SHC3: variants seen among roughly 807,000 people sequenced by gnomAD.
SHC3 encodes the protein SHC adaptor protein 3.
In SHC3, 15 loss-of-function variants were observed where a neutral mutation model predicts 60.4. That is an observed-to-expected ratio of 0.25 (90% CI 0.17 to 0.38). The LOEUF is 0.38. Among genes scored for constraint, SHC3 ranks in the 10% least tolerant of loss-of-function variants. SHC3 has a pLI of 1.00. For missense variants in SHC3, 677 were observed against 786.1 expected (o/e 0.86, Z 1.66); for synonymous variants, 294 against 325.9 (o/e 0.90, Z 1.05).
chr9:89,087,156 C>T (rs536065984), intron 2 of SHC3, among the ~76,000 whole-genome samples: 132 of 152,250 alleles, frequency 8.7e-4, no homozygotes, highest in African/African-American at 3.0e-3. Flanking sequence ...GGAATTAAAG[C>T]TAATTTTCCT....
chr9:89,152,071 G>A (rs1826553127), intron 1 of SHC3, among the ~76,000 whole-genome samples: 1 of 152,178 alleles, frequency 6.6e-6, no homozygotes, highest in Admixed American at 6.5e-5. Context: ...CTAGTGATTT[G>A]AGTAGCTTCA....
chr9:89,115,922 TCA>T (rs1296873954), intron 1 of SHC3, among the ~76,000 whole-genome samples: 3 of 152,180 alleles, frequency 2.0e-5, no homozygotes, highest in African/African-American at 4.8e-5. Context: ...ATGATCAATA[TCA>T]CAGTTATGTG....
intron 9 of SHC3, among the ~76,000 whole-genome samples, chr9:89,043,820 T>G (rs985193607): frequency 6.6e-6 from 1 of 151,998 alleles, no homozygotes; most frequent in African/African-American, 2.4e-5. Flanking sequence ...GCACAGCTAA[T>G]TTTTTGTATT....
intron 1 of SHC3, among the ~76,000 whole-genome samples, chr9:89,172,152 G>T (rs1826878063): frequency 6.6e-6 from 1 of 152,194 alleles, no homozygotes; most frequent in African/African-American, 2.4e-5. Flanking sequence ...TTGGCCCCTG[G>T]TATCTCACTG....
At chr9:89,059,166 G>T (rs1825016218) in intron 6 of SHC3, among the ~76,000 whole-genome samples, 1 of 146,658 alleles carries the variant, frequency 6.8e-6, no homozygotes, top group Admixed American at 6.7e-5. Flanking sequence ...GGTGGTGGAG[G>T]ACCGTGGTGT....
At chr9:89,149,852 A>T (rs78584505) in intron 1 of SHC3, among the ~76,000 whole-genome samples, 3,234 of 152,260 alleles carry the variant, frequency 0.021, 116 homozygotes, top group African/African-American at 0.071. Flanking sequence ...CTTCCGTTGC[A>T]CACTCTTCTG....
At chr9:89,150,261 G>A (rs1036869014) in intron 1 of SHC3, among the ~76,000 whole-genome samples, 2 of 152,026 alleles carry the variant, frequency 1.3e-5, no homozygotes, top group African/African-American at 4.8e-5. Flanking sequence ...GGGATAAGAG[G>A]AGATTATTGT....
chr9:89,068,389 G>A (rs1825216603), intron 5 of SHC3, among the ~76,000 whole-genome samples: 1 of 152,296 alleles, frequency 6.6e-6, no homozygotes, highest in East Asian at 1.9e-4. Context: ...TAAGCAATAA[G>A]TGACATGTAC....
At chr9:89,146,348 C>G (rs952709527) in intron 1 of SHC3, among the ~76,000 whole-genome samples, 12 of 150,728 alleles carry the variant, frequency 8.0e-5, no homozygotes, top group African/African-American at 2.2e-4. Context: ...CGGAGCGAGA[C>G]TTTGTCTCCA....
Position 89,037,986 on chromosome 9 carries a change from T to A in SHC3, c.1656+7A>T, listed in dbSNP as rs760328967. On this transcript the variant is annotated splice_region_variant and intron_variant, in intron 11 of 11. Transcript: ENST00000375835. ...CAGGTCCGGCCCCACCCCCACTGGGTGCTCACCGTGCCTTCTGGGTCCACG... is the reference window on the plus strand; with the variant it reads ...CAGGTCCGGCCCCACCCCCACTGGGAGCTCACCGTGCCTTCTGGGTCCACG... 1.9e-6 allele frequency: 3 copies of A among 1,603,220 alleles called. No individual in the cohort carries two copies. The South Asian group carries it at 3.3e-5, about 18-fold the overall frequency.
At chr9:89,173,418 G>A (rs1045490310) in intron 1 of SHC3, among the ~76,000 whole-genome samples, 1 of 152,232 alleles carries the variant, frequency 6.6e-6, no homozygotes, top group Non-Finnish European at 1.5e-5. Flanking sequence ...TCAAAACTAT[G>A]ACATATACTC....
At chr9:89,138,443 T>C (rs558700659) in intron 1 of SHC3, among the ~76,000 whole-genome samples, 4 of 152,322 alleles carry the variant, frequency 2.6e-5, no homozygotes, top group Admixed American at 2.6e-4. Context: ...ATTCGTGAAC[T>C]GTCATGGAGC....
chr9:89,129,867 A>T (rs150767287), intron 1 of SHC3, among the ~76,000 whole-genome samples: 55 of 152,336 alleles, frequency 3.6e-4, no homozygotes, highest in Middle Eastern at 3.4e-3. Context: ...AAAAATAACC[A>T]GCTAACATCG....
intron 2 of SHC3, among the ~76,000 whole-genome samples, chr9:89,097,654 T>C (rs994875947): frequency 6.6e-6 from 1 of 152,196 alleles, no homozygotes; most frequent in African/African-American, 2.4e-5. Context: ...CAACAAATAA[T>C]GATTGAGCAC....
chr9:89,024,286 T>C (rs1417187095), intron 11 of SHC3, among the ~76,000 whole-genome samples: 1 of 152,200 alleles, frequency 6.6e-6, no homozygotes. Flanking sequence ...TATTTTTATT[T>C]ATTTATTTAG....
chr9:89,028,475 T>C (rs1826357680), intron 11 of SHC3, among the ~76,000 whole-genome samples: 1 of 19,358 alleles, frequency 5.2e-5, no homozygotes, highest in South Asian at 2.0e-3. Context: ...TTAATAGATA[T>C]AGATTATATC....
rs1226747764 is a variant in SHC3 at position 89,038,117 on chromosome 9, C to T, written c.1532G>A (p.Gly511Glu). Residue 511 changes from glycine (G) to glutamate (E), a missense_variant, in exon 11 of 12, where the codon GGG becomes GAG. Physicochemically the swap from Gly to Glu is moderately conservative, Grantham distance 98. Transcript: ENST00000375835. The stretch of plus-strand genomic sequence containing the variant: ...GAAGTCTCCGTCTTTCTCCAGCAGC[C>T]CCTCTGCCTCCTTCCTGCTCATCTC... ...QGEMSRKEAE[G>E]LLEKDGDFLV... 9.3e-6 allele frequency: 15 copies of T among 1,613,960 alleles called. No individual in the cohort carries two copies. The highest frequency in any genetic ancestry group is 3.3e-5 in the South Asian group (3 of 91,076).
intron 4 of SHC3, among the ~76,000 whole-genome samples, chr9:89,072,132 T>C (rs1366874782): frequency 1.3e-5 from 2 of 152,252 alleles, no homozygotes; most frequent in East Asian, 3.8e-4. Flanking sequence ...TCAGTCTGTG[T>C]GCCCACAGCT....
chr9:89,122,875 C>A (rs1046830527), intron 1 of SHC3, among the ~76,000 whole-genome samples: 6 of 152,216 alleles, frequency 3.9e-5, no homozygotes, highest in East Asian at 1.9e-4. Flanking sequence ...GCTTGCTTCC[C>A]GATCAGCATA....
Sources: allele counts gnomAD v4.1 joint callset (sites outside exome capture counted in the v4.1 genomes callset), GRCh38; gene constraint gnomAD v4.1.1; transcripts MANE v1.5; gene names NCBI Gene and HGNC (gene_info 2026-07-23, HGNC 2026-07-21).